The following FGF12 variants were observed in gnomAD, a reference collection of about 807,000 sequenced individuals.
FGF12 encodes the protein fibroblast growth factor 12B.
Under a neutral mutation model 23.6 loss-of-function variants are expected in FGF12, and 14 were observed. The observed-to-expected ratio is 0.59, with a 90% CI of 0.39 to 0.93. FGF12 has a LOEUF of 0.93. FGF12 is among the 40% of genes least tolerant of loss of function. The pLI, the probability that FGF12 is intolerant of heterozygous loss-of-function variation, is 0.00. For missense variants in FGF12, 175 were observed against 217.8 expected (o/e 0.80, Z 1.24); for synonymous variants, 62 against 77.3 (o/e 0.80, Z 1.04).
chr3:192,366,925 C>G (rs1719011316), intron 2 of FGF12, among the ~76,000 whole-genome samples: 1 of 152,024 alleles, frequency 6.6e-6, no homozygotes, highest in Non-Finnish European at 1.5e-5. Flanking sequence ...CAGGAATATG[C>G]AGATTAAAAA....
chr3:192,692,519 A>G (rs1032887839), intron 2 of FGF12, among the ~76,000 whole-genome samples: 14 of 152,122 alleles, frequency 9.2e-5, no homozygotes, highest in African/African-American at 3.4e-4. Flanking sequence ...AGCCTGGACA[A>G]TGTGGTGAAA....
At chr3:192,640,215 CA>C (rs961581137) in intron 2 of FGF12, among the ~76,000 whole-genome samples, 1 of 151,964 alleles carries the variant, frequency 6.6e-6, no homozygotes, top group African/African-American at 2.4e-5. Context: ...TTGACATTAA[CA>C]AACAAAAAAC....
intron 3 of FGF12, among the ~76,000 whole-genome samples, chr3:192,358,779 C>G (rs985130090): frequency 6.6e-6 from 1 of 152,048 alleles, no homozygotes; most frequent in African/African-American, 2.4e-5. Context: ...TATGGCTAAT[C>G]GTCTTACTTG....
intron 4 of FGF12, among the ~76,000 whole-genome samples, chr3:192,224,061 T>C (rs1307781245): frequency 2.0e-5 from 3 of 152,076 alleles, no homozygotes; most frequent in Admixed American, 1.3e-4. Context: ...CACTGAGAGA[T>C]TGCCTCAGGG....
At position 192,270,087 on chromosome 3, in the gene FGF12, AG is replaced by A. The variant is rs374601815; in HGVS notation, c.228+65273del. Among the ~76,000 whole-genome samples the A allele has an allele frequency of 2.2e-3, 330 of 152,290 alleles. 1 individual carries two copies. Among genetic ancestry groups the A allele is most frequent in the African/African-American group, 5.4e-3 (224 of 41,558 alleles). On this transcript the variant is annotated intron_variant, in intron 4 of 5. Transcript: ENST00000445105. ...GTGTTCCACATCCTCCTGCATTCTG[AG>A]GTCAATGGAGTCAGGACCTAGCGGT...
intron 2 of FGF12, among the ~76,000 whole-genome samples, chr3:192,463,249 T>C (rs1722914406): frequency 6.6e-6 from 1 of 152,090 alleles, no homozygotes; most frequent in Middle Eastern, 3.4e-3. Context: ...CAAAACCCCA[T>C]TTCTACTAAA....
chr3:192,638,229 A>T (rs1014288071), intron 2 of FGF12, among the ~76,000 whole-genome samples: 4 of 152,240 alleles, frequency 2.6e-5, no homozygotes, highest in Non-Finnish European at 4.4e-5. Flanking sequence ...GGTCAATTAC[A>T]ACTATTAGTG....
At chr3:192,509,160 AG>A (rs1724398797) in intron 2 of FGF12, among the ~76,000 whole-genome samples, 1 of 152,064 alleles carries the variant, frequency 6.6e-6, no homozygotes, top group African/African-American at 2.4e-5. Context: ...GAAAGAAGGG[AG>A]GGGTGGCAAT....
intron 2 of FGF12, among the ~76,000 whole-genome samples, chr3:192,551,304 T>G (rs1043453185): frequency 5.3e-5 from 8 of 152,202 alleles, no homozygotes; most frequent in Admixed American, 3.3e-4. Context: ...TTCGGGCTGG[T>G]AAGGTAGCTA....
At position 192,510,017 on chromosome 3, in the gene FGF12, C is replaced by T. The variant is rs114956407; in HGVS notation, c.14-149479G>A. The stretch of plus-strand genomic sequence containing the variant: ...TAAATGTCTATCATAGGTCATACGG[C>T]GGGGCTCTTCATCACAGATACTCAG... On this transcript the variant is annotated intron_variant, in intron 2 of 5. Coordinates refer to ENST00000445105, the MANE Select transcript of FGF12 (RefSeq NM_004113.6). Among the ~76,000 whole-genome samples, 717 of 152,202 alleles carry T rather than the reference C, an allele frequency of 4.7e-3. 1 individual carries two copies. The highest frequency in any genetic ancestry group is 6.3e-3 in the Non-Finnish European group (428 of 68,000).
chr3:192,582,939 T>A (rs918087386), intron 2 of FGF12, among the ~76,000 whole-genome samples: 11 of 152,262 alleles, frequency 7.2e-5, no homozygotes, highest in African/African-American at 2.2e-4. Flanking sequence ...CCTGGCTCTA[T>A]AATTTGCTCA....
intron 2 of FGF12, among the ~76,000 whole-genome samples, chr3:192,540,676 C>T (rs746653247): frequency 1.3e-5 from 2 of 152,082 alleles, no homozygotes; most frequent in Non-Finnish European, 2.9e-5. Flanking sequence ...GCAGATTAAG[C>T]CAGATGTTTC....
At chr3:192,307,144 G>A (rs750434148) in intron 4 of FGF12, among the ~76,000 whole-genome samples, 2 of 152,088 alleles carry the variant, frequency 1.3e-5, no homozygotes, top group Non-Finnish European at 2.9e-5. Context: ...TTCATGTGAT[G>A]GAAGACAAAT....
intron 3 of FGF12, among the ~76,000 whole-genome samples, chr3:192,353,527 A>G (rs2108725782): frequency 6.6e-6 from 1 of 151,486 alleles, no homozygotes; most frequent in East Asian, 1.9e-4. Flanking sequence ...CCGCCACCAC[A>G]CCCGCCTAAT....
chr3:192,607,115 GTTGT>G lies in FGF12; in HGVS notation c.13+120062_13+120065del, dbSNP rs532771058. Among the ~76,000 whole-genome samples the G allele has an allele frequency of 2.2e-4, 33 of 152,172 alleles. No individual in the cohort carries two copies. In the East Asian group the frequency reaches 6.2e-3, roughly 29 times the overall value. On this transcript the variant is annotated intron_variant, in intron 2 of 5. Transcript: ENST00000445105. ...CTGTAACTTTTGAAATGTTTTCACT[GTTGT>G]TTATTTAACAGCTACAACCAGAGTC... is the stretch of plus-strand genomic sequence containing the variant.
At chr3:192,502,393 A>G (rs1724157921) in intron 2 of FGF12, among the ~76,000 whole-genome samples, 1 of 152,208 alleles carries the variant, frequency 6.6e-6, no homozygotes, top group South Asian at 2.1e-4. Context: ...TTTTTCCTAA[A>G]AGTCTGTGAG....
chr3:192,606,479 A>G (rs1030572315), intron 2 of FGF12, among the ~76,000 whole-genome samples: 2 of 152,138 alleles, frequency 1.3e-5, no homozygotes, highest in African/African-American at 4.8e-5. Flanking sequence ...GTATCACACA[A>G]TATACCCAGG....
intron 2 of FGF12, among the ~76,000 whole-genome samples, chr3:192,378,942 G>A (rs568925358): frequency 6.6e-6 from 1 of 152,178 alleles, no homozygotes; most frequent in African/African-American, 2.4e-5. Context: ...CCTAGCATCT[G>A]TTGTTCCTTT....
At position 192,148,575 on chromosome 3, in the gene FGF12, T is replaced by C. The variant is rs868081015; in HGVS notation, c.428-4448A>G. 8.5e-5 allele frequency among the ~76,000 whole-genome samples: 13 copies of C among 152,308 alleles called. No individual in the cohort carries two copies. In the South Asian group the frequency reaches 2.3e-3, roughly 27 times the overall value. ...ATGTACTTAACGGCAATGAAACATA[T>C]ACTTAAAAATGATTAAAATGGTAAA... On this transcript the variant is annotated intron_variant, in intron 5 of 5. Transcript: ENST00000445105.
Sources: gnomAD v4.1 joint callset for allele counts (sites outside exome capture counted in the v4.1 genomes callset) on GRCh38, gnomAD v4.1.1 for gene constraint, MANE v1.5 for transcripts, NCBI Gene and HGNC (gene_info 2026-07-23, HGNC 2026-07-21) for gene names.